Variants in BCKDHB observed in about 807,000 individuals in gnomAD.
BCKDHB encodes 2-oxoisovalerate dehydrogenase subunit beta, mitochondrial.
A neutral mutation model predicts 48.5 loss-of-function variants in BCKDHB; 41 were observed. The observed-to-expected ratio is 0.85, with a 90% CI of 0.66 to 1.10. BCKDHB has a LOEUF of 1.10. BCKDHB is among the 50% of genes least tolerant of loss of function. The pLI is 0.00. For missense variants in BCKDHB, 496 were observed against 494.2 expected, an observed-to-expected ratio of 1.00 and a Z score of -0.03; for synonymous variants, 201 against 174.8, an observed-to-expected ratio of 1.15 and a Z score of -1.18.
At chr6:80,151,007 A>G (rs993709359) in intron 3 of BCKDHB, among the ~76,000 whole-genome samples, 1 of 152,182 alleles carries the variant, frequency 6.6e-6, no homozygotes, top group African/African-American at 2.4e-5. Context: ...GTTAAGCATC[A>G]CTTGGATGAT....
At chr6:80,211,430 C>T (rs980005597) in intron 8 of BCKDHB, among the ~76,000 whole-genome samples, 1 of 152,206 alleles carries the variant, frequency 6.6e-6, no homozygotes, top group Admixed American at 6.5e-5. Context: ...AGACTACTAG[C>T]ATTTCTCTCC....
intron 4 of BCKDHB, among the ~76,000 whole-genome samples, chr6:80,168,493 A>G (rs1772696396): frequency 7.5e-6 from 1 of 132,812 alleles, no homozygotes; most frequent in African/African-American, 2.9e-5. Context: ...CAAGAAAGAA[A>G]GGAAAGGAGG....
At chr6:80,115,641 CTT>C (rs760255958) in intron 1 of BCKDHB, among the ~76,000 whole-genome samples, 4 of 142,840 alleles carry the variant, frequency 2.8e-5, no homozygotes, top group Admixed American at 7.0e-5. Flanking sequence ...GCTGGGGTTT[CTT>C]TTTTTTTTTT....
chr6:80,323,480 C>A (rs981614871), intron 9 of BCKDHB, among the ~76,000 whole-genome samples: 1 of 152,110 alleles, frequency 6.6e-6, no homozygotes, highest in Non-Finnish European at 1.5e-5. Context: ...CCTTAAAGAT[C>A]TTTTCTTAAT....
intron 8 of BCKDHB, among the ~76,000 whole-genome samples, chr6:80,203,672 A>T (rs997532798): frequency 1.2e-4 from 18 of 152,106 alleles, no homozygotes; most frequent in African/African-American, 4.3e-4. Context: ...TATAGTCTTA[A>T]TACTGTGGAT....
chr6:80,359,855 G>A, the BCKDHB span, among the ~76,000 whole-genome samples: 142 of 152,310 alleles, frequency 9.3e-4, no homozygotes, highest in African/African-American at 3.1e-3. Context: ...CCTCCGAAGT[G>A]CTGGGATTAC....
At chr6:80,412,849 T>C in the BCKDHB span, among the ~76,000 whole-genome samples, 1 of 152,210 alleles carries the variant, frequency 6.6e-6, no homozygotes, top group African/African-American at 2.4e-5. Context: ...TCTAACTTTC[T>C]CCTGACCTGC....
At chr6:80,203,785 T>C (rs1180284375) in intron 8 of BCKDHB, among the ~76,000 whole-genome samples, 1 of 152,136 alleles carries the variant, frequency 6.6e-6, no homozygotes. Flanking sequence ...TTGTTTTTAC[T>C]ATTAAGATTT....
intron 9 of BCKDHB, among the ~76,000 whole-genome samples, chr6:80,317,236 C>T (rs1485854521): frequency 6.6e-6 from 1 of 152,148 alleles, no homozygotes; most frequent in Admixed American, 6.5e-5. Flanking sequence ...TTCCAAAATA[C>T]CCAAAACTTA....
At chr6:80,378,344 CA>C in the BCKDHB span, among the ~76,000 whole-genome samples, 5 of 152,070 alleles carry the variant, frequency 3.3e-5, no homozygotes, top group Admixed American at 2.6e-4. Flanking sequence ...TTTGATTTTC[CA>C]CTTTTGAGTT....
At chr6:80,398,409 C>A in the BCKDHB span, among the ~76,000 whole-genome samples, 3 of 152,154 alleles carry the variant, frequency 2.0e-5, no homozygotes, top group Admixed American at 2.0e-4. Context: ...CCACTGACCA[C>A]ATAGAAATAC....
the BCKDHB span, among the ~76,000 whole-genome samples, chr6:80,437,946 C>T: frequency 6.6e-6 from 1 of 152,284 alleles, no homozygotes; most frequent in Non-Finnish European, 1.5e-5. Flanking sequence ...CCAGAGATAA[C>T]CTTGGTGCAC....
At chr6:80,408,942 C>A in the BCKDHB span, among the ~76,000 whole-genome samples, 1 of 152,004 alleles carries the variant, frequency 6.6e-6, no homozygotes, top group South Asian at 2.1e-4. Flanking sequence ...TCTTGCTTCT[C>A]CAGTTCTATT....
intron 1 of BCKDHB, among the ~76,000 whole-genome samples, chr6:80,109,822 A>G (rs746996463): frequency 1.3e-5 from 2 of 152,160 alleles, no homozygotes; most frequent in Non-Finnish European, 2.9e-5. Context: ...TAACCTTGTG[A>G]ACTAGACAAT....
At chr6:80,184,979 G>A (rs183722740) in intron 6 of BCKDHB, among the ~76,000 whole-genome samples, 11 of 152,240 alleles carry the variant, frequency 7.2e-5, no homozygotes, top group African/African-American at 2.4e-4. Flanking sequence ...TGAATGTCTA[G>A]ATCTCTAGCA....
At chr6:80,332,706 T>A (rs1319272240) in intron 9 of BCKDHB, among the ~76,000 whole-genome samples, 9 of 139,448 alleles carry the variant, frequency 6.5e-5, no homozygotes, top group Admixed American at 2.1e-4. Flanking sequence ...ACCCTTATAG[T>A]AAAAAAAAAA....
At chr6:80,146,697 ACAT>A (rs1192772789) in intron 3 of BCKDHB, among the ~76,000 whole-genome samples, 1 of 152,172 alleles carries the variant, frequency 6.6e-6, no homozygotes, top group Non-Finnish European at 1.5e-5. Flanking sequence ...GGAATTGGCA[ACAT>A]CAAGTACTTC....
chr6:80,466,647 C>T, the BCKDHB span, among the ~76,000 whole-genome samples: 1 of 152,134 alleles, frequency 6.6e-6, no homozygotes, highest in African/African-American at 2.4e-5. Flanking sequence ...ATTTGTCAAC[C>T]ATTCCCCAAT....
At chr6:80,394,572 A>C in the BCKDHB span, among the ~76,000 whole-genome samples, 1 of 152,088 alleles carries the variant, frequency 6.6e-6, no homozygotes, top group Admixed American at 6.6e-5. Flanking sequence ...TCATGATCCT[A>C]GGCCACTTAA....
Sources: gnomAD v4.1 joint callset for allele counts (sites outside exome capture counted in the v4.1 genomes callset) on GRCh38, gnomAD v4.1.1 for gene constraint, MANE v1.5 for transcripts, NCBI Gene and HGNC (gene_info 2026-07-23, HGNC 2026-07-21) for gene names.